Variants in EFCAB5 observed in about 807,000 individuals in gnomAD.
EFCAB5 encodes the protein EF-hand calcium-binding domain-containing protein 5.
In EFCAB5, 131 loss-of-function variants were observed where a neutral mutation model predicts 167.9. That is an observed-to-expected ratio of 0.78 (90% CI 0.68 to 0.90). EFCAB5 has a LOEUF of 0.90. Among genes scored for constraint, EFCAB5 ranks in the 40% least tolerant of loss-of-function variants. The probability of loss-of-function intolerance (pLI) is 0.00; values close to 1 mark genes in which losing one functional copy is unlikely to be tolerated. For synonymous variants in EFCAB5, 574 were observed against 602.8 expected (o/e 0.95, Z 0.70); for missense variants, 1,663 against 1,745.2 (o/e 0.95, Z 0.84).
intron 3 of EFCAB5, among the ~76,000 whole-genome samples, chr17:29,959,633 G>T (rs1421062410): frequency 6.6e-6 from 1 of 152,086 alleles, no homozygotes; most frequent in Non-Finnish European, 1.5e-5. Context: ...CATCTGGGAG[G>T]CAGGGCCTAG....
chr17:29,966,462 C>G (rs2067829242), intron 3 of EFCAB5, among the ~76,000 whole-genome samples: 1 of 151,918 alleles, frequency 6.6e-6, no homozygotes, highest in African/African-American at 2.4e-5. Flanking sequence ...AAGACTTTGT[C>G]TTTATCAAAA....
At chr17:29,983,754 C>A (rs1463988565) in intron 4 of EFCAB5, among the ~76,000 whole-genome samples, 1 of 152,088 alleles carries the variant, frequency 6.6e-6, no homozygotes, top group Non-Finnish European at 1.5e-5. Context: ...ATGGGTGACA[C>A]AATCAATTTA....
chr17:29,992,973 G>A (rs2068454952), intron 4 of EFCAB5, among the ~76,000 whole-genome samples, 192 bp from the exon 5 acceptor site: 1 of 152,172 alleles, frequency 6.6e-6, no homozygotes, highest in South Asian at 2.1e-4. Context: ...TCAAATAGTA[G>A]AAAGCACTCT....
chr17:30,019,725 C>T (rs561609710), intron 7 of EFCAB5, among the ~76,000 whole-genome samples: 4 of 152,130 alleles, frequency 2.6e-5, no homozygotes, highest in South Asian at 2.1e-4. Flanking sequence ...GGATTACAGG[C>T]GTGAGCCACC....
chr17:30,030,810 C>T (rs1285906210), intron 7 of EFCAB5, among the ~76,000 whole-genome samples: 1 of 152,078 alleles, frequency 6.6e-6, no homozygotes. Flanking sequence ...TGCACCACCA[C>T]TCTTGGCTAA....
At chr17:30,039,721 G>A (rs1034164295) in intron 8 of EFCAB5, among the ~76,000 whole-genome samples, 10 of 152,188 alleles carry the variant, frequency 6.6e-5, no homozygotes, top group South Asian at 4.1e-4. Flanking sequence ...TCCCACCAGT[G>A]TAACCCAGTG....
Position 30,053,489 on chromosome 17 carries a change from T to C in EFCAB5, c.1535T>C (p.Val512Ala), listed in dbSNP as rs370618355. The stretch of plus-strand genomic sequence containing the variant: ...AACCCGCCAGAACAGCAGAGAGGAG[T>C]AACTGCAGAACAAGGACCACAAAGA... ...SPNPPEQQRG[V>A]TAEQGPQRIS... is the part of the protein sequence containing the mutation. The change falls in exon 10 of 23, where the codon GTA becomes GCA. Residue 512 changes from valine (V) to alanine (A), a missense_variant. Val to Ala is a moderately conservative substitution (Grantham distance 64). Coordinates refer to ENST00000394835, the MANE Select transcript of EFCAB5 (RefSeq NM_198529.4). The C allele has an allele frequency of 6.2e-7, 1 of 1,612,870 alleles. No homozygotes were observed. The highest frequency in any genetic ancestry group is 8.5e-7 in the Non-Finnish European group (1 of 1,179,656).
intron 3 of EFCAB5, among the ~76,000 whole-genome samples, chr17:29,965,213 A>G (rs1440888028): frequency 6.6e-6 from 1 of 151,348 alleles, no homozygotes; most frequent in Non-Finnish European, 1.5e-5. Context: ...CATCCTATAA[A>G]TTTTGATATG....
rs184311989 is a variant in EFCAB5 at position 30,079,873 on chromosome 17, T to C, written c.3028-199T>C. ...CAGTTGGCATAGAAGAAACCCGTTA[T>C]ACCCACTGAAACTCAGACTTACAGG... On this transcript the variant is annotated intron_variant, in intron 15 of 22. Coordinates refer to ENST00000394835, the MANE Select transcript of EFCAB5 (RefSeq NM_198529.4). 1.4e-4 allele frequency among the ~76,000 whole-genome samples: 21 copies of C among 152,358 alleles called. No individual in the cohort carries two copies. The East Asian group carries it at 3.7e-3, about 27-fold the overall frequency.
chr17:30,069,288 G>T, intron 14 of EFCAB5: 1 of 1,494,794 alleles, frequency 6.7e-7, no homozygotes, highest in South Asian at 1.1e-5. Context: ...TGGGGAGATG[G>T]CAAAGGTGAA....
intron 7 of EFCAB5, among the ~76,000 whole-genome samples, chr17:30,002,406 A>G (rs553123985): frequency 6.6e-6 from 1 of 152,306 alleles, no homozygotes; most frequent in South Asian, 2.1e-4. Context: ...AAGATACAAA[A>G]CTATTTCAGT....
intron 6 of EFCAB5, among the ~76,000 whole-genome samples, chr17:29,996,879 G>C (rs2068555180): frequency 6.6e-6 from 1 of 152,094 alleles, no homozygotes. Flanking sequence ...TGTTTCTTGA[G>C]TTCCCTTTTC....
chr17:30,107,365 T>C (rs1162539819), intron 22 of EFCAB5, among the ~76,000 whole-genome samples: 2 of 151,898 alleles, frequency 1.3e-5, no homozygotes, highest in Non-Finnish European at 2.9e-5. Flanking sequence ...AAGAAAACAT[T>C]ATAGGAACAG....
intron 7 of EFCAB5, among the ~76,000 whole-genome samples, chr17:30,029,187 C>T (rs1340570436): frequency 2.6e-5 from 4 of 152,102 alleles, no homozygotes; most frequent in Non-Finnish European, 1.5e-5. Flanking sequence ...TTGTTAAGTA[C>T]AGATGCTCTT....
intron 19 of EFCAB5, among the ~76,000 whole-genome samples, chr17:30,087,515 C>T (rs151209654): frequency 0.016 from 2,508 of 152,228 alleles, 55 homozygotes; most frequent in African/African-American, 0.054. Context: ...TTGTTCAGCT[C>T]CCACTTATAA....
At chr17:29,979,394 A>G (rs985930295) in intron 4 of EFCAB5, among the ~76,000 whole-genome samples, 3 of 152,170 alleles carry the variant, frequency 2.0e-5, no homozygotes, top group Non-Finnish European at 4.4e-5. Context: ...GCTTGGAGGC[A>G]TTCTATCTGA....
chr17:29,954,865 A>G (rs992947566), intron 3 of EFCAB5, among the ~76,000 whole-genome samples: 2 of 152,224 alleles, frequency 1.3e-5, no homozygotes, highest in Non-Finnish European at 2.9e-5. Context: ...AGGCTGTGGG[A>G]GCCCACCTCT....
In EFCAB5 at chr17:29,999,952, A is replaced by G; in HGVS notation, c.1020A>G (p.Arg340=). The G allele has an allele frequency of 6.3e-7, 1 of 1,579,970 alleles. No individual in the cohort carries two copies. Among genetic ancestry groups the G allele is most frequent in the Non-Finnish European group, 8.6e-7 (1 of 1,161,166 alleles). Residue 340 remains arginine, a synonymous_variant, in exon 7 of 23, where the codon AGA becomes AGG. Transcript: ENST00000394835. ...QLDITDSTEP[R]LNKMEFTEYI... is the part of the protein sequence containing the mutation. ...ATATTACTGACTCAACAGAACCAAG[A>G]TTGAACAAAATGGAATTTACAGAAG...
chr17:30,034,255 T>G lies in EFCAB5; in HGVS notation c.1070T>G (p.Leu357Trp), dbSNP rs1471891179. ...TACATCTCTTCACATATTAAAGACTTGAAGAGTGAAATGTTTGAGGAACTT... is the reference window on the plus strand; with the variant it reads ...TACATCTCTTCACATATTAAAGACTGGAAGAGTGAAATGTTTGAGGAACTT... ...TEYISSHIKD[L>W]KSEMFEELLK... The change falls in exon 8 of 23, where the codon TTG becomes TGG. Residue 357 changes from leucine to tryptophan, a missense_variant. Physicochemically the swap from Leu to Trp is moderately conservative, Grantham distance 61 (BLOSUM62 -2). Coordinates refer to ENST00000394835, the MANE Select transcript of EFCAB5 (RefSeq NM_198529.4). 1 of 1,613,990 alleles carries G rather than the reference T, an allele frequency of 6.2e-7. No individual in the cohort carries two copies. The highest frequency in any genetic ancestry group is 1.1e-5 in the South Asian group (1 of 91,080).
Sources: gnomAD v4.1 joint callset for allele counts (sites outside exome capture counted in the v4.1 genomes callset) on GRCh38, gnomAD v4.1.1 for gene constraint, MANE v1.5 for transcripts, NCBI Gene and HGNC (gene_info 2026-07-23, HGNC 2026-07-21) for gene names.